The following RIMS2 variants were observed in gnomAD, a reference collection of about 807,000 sequenced individuals.
The protein encoded by RIMS2 is regulating synaptic membrane exocytosis protein 2.
A neutral mutation model predicts 174.4 loss-of-function variants in RIMS2; 59 were observed. The ratio of observed to expected loss-of-function variants is 0.34; its 90% CI spans 0.27 to 0.42. The LOEUF (loss-of-function observed/expected upper bound fraction) is 0.42. Ranked by LOEUF, RIMS2 falls within the 10% of genes least tolerant of loss-of-function variation. The pLI is 1.00. For missense variants in RIMS2, 1,620 were observed against 1,666.3 expected, an observed-to-expected ratio of 0.97 and a Z score of 0.48; for synonymous variants, 606 against 572.5, an observed-to-expected ratio of 1.06 and a Z score of -0.84.
chr8:103,988,585 G>T (rs765918902), intron 16 of RIMS2, among the ~76,000 whole-genome samples: 1 of 152,044 alleles, frequency 6.6e-6, no homozygotes, highest in Non-Finnish European at 1.5e-5. Context: ...TTGGCCACCC[G>T]AGTAGCTGGG....
At chr8:103,557,299 A>G (rs1257703890) in intron 1 of RIMS2, among the ~76,000 whole-genome samples, 1 of 152,196 alleles carries the variant, frequency 6.6e-6, no homozygotes, top group Non-Finnish European at 1.5e-5. Context: ...ACTGCTAAGC[A>G]GTGTGTTTTC....
At chr8:103,701,253 A>G (rs1021445652) in intron 2 of RIMS2, among the ~76,000 whole-genome samples, 1 of 152,074 alleles carries the variant, frequency 6.6e-6, no homozygotes, top group Non-Finnish European at 1.5e-5. Flanking sequence ...CTTGGTTAAC[A>G]CTTTTTGTAT....
intron 19 of RIMS2, among the ~76,000 whole-genome samples, chr8:104,100,806 A>G (rs2097857474): frequency 7.1e-6 from 1 of 141,370 alleles, no homozygotes; most frequent in Admixed American, 7.6e-5. Context: ...TTATATATAT[A>G]TTATATATTA....
intron 19 of RIMS2, among the ~76,000 whole-genome samples, chr8:104,016,489 T>C (rs561577780): frequency 7.6e-4 from 115 of 152,156 alleles, no homozygotes; most frequent in Admixed American, 1.9e-3. Context: ...TACCATAATT[T>C]TGAACAATCC....
At chr8:103,535,879 G>C (rs984345296) in intron 1 of RIMS2, among the ~76,000 whole-genome samples, 2 of 152,096 alleles carry the variant, frequency 1.3e-5, no homozygotes, top group Admixed American at 6.5e-5. Flanking sequence ...TTTTATTATA[G>C]CAAAAAATCC....
chr8:104,151,537 C>T (rs2098689396), intron 19 of RIMS2, among the ~76,000 whole-genome samples: 1 of 151,940 alleles, frequency 6.6e-6, no homozygotes, highest in Non-Finnish European at 1.5e-5. Context: ...TGCTGCCCTC[C>T]AGCCTGGGTG....
intron 14 of RIMS2, among the ~76,000 whole-genome samples, chr8:103,956,378 G>T (rs1180671174): frequency 6.6e-6 from 1 of 152,170 alleles, no homozygotes; most frequent in Non-Finnish European, 1.5e-5. Context: ...AACCAAAAGA[G>T]CATGGCACTG....
intron 1 of RIMS2, among the ~76,000 whole-genome samples, chr8:103,550,662 C>T (rs1847356200): frequency 2.6e-5 from 4 of 152,006 alleles, no homozygotes; most frequent in Non-Finnish European, 5.9e-5. Context: ...ATCAATGTAT[C>T]TAGGAGCTGG....
At chr8:104,156,672 A>C (rs1300274747) in intron 19 of RIMS2, among the ~76,000 whole-genome samples, 1 of 152,180 alleles carries the variant, frequency 6.6e-6, no homozygotes, top group African/African-American at 2.4e-5. Context: ...TTTATAAATA[A>C]ATTTTTACAG....
At chr8:103,567,649 G>A (rs143415182) in intron 1 of RIMS2, among the ~76,000 whole-genome samples, 1 of 152,292 alleles carries the variant, frequency 6.6e-6, no homozygotes, top group Non-Finnish European at 1.5e-5. Flanking sequence ...TTGTGTAGGT[G>A]TGTATTTTCA....
chr8:103,855,806 G>A (rs922000510), intron 3 of RIMS2, among the ~76,000 whole-genome samples: 1 of 152,080 alleles, frequency 6.6e-6, no homozygotes, highest in Non-Finnish European at 1.5e-5. Context: ...TATTCCATGT[G>A]CAGATGGGAA....
intron 19 of RIMS2, among the ~76,000 whole-genome samples, chr8:104,163,845 G>A (rs1823167): frequency 0.79 from 119,424 of 151,992 alleles, 47,222 homozygotes; most frequent in East Asian, 1. Context: ...GATGAGAGCT[G>A]GTACAGAAGT....
At chr8:104,241,144 G>A (rs1471913496) in intron 19 of RIMS2, among the ~76,000 whole-genome samples, 1 of 152,142 alleles carries the variant, frequency 6.6e-6, no homozygotes, top group Non-Finnish European at 1.5e-5. Flanking sequence ...TCCATATGCA[G>A]TTACAGCATT....
chr8:103,938,545 C>G (rs927769013), intron 13 of RIMS2, among the ~76,000 whole-genome samples: 12 of 152,112 alleles, frequency 7.9e-5, no homozygotes, highest in Non-Finnish European at 1.5e-5. Flanking sequence ...GGGGACACAG[C>G]CAAACCATAT....
Position 103,559,847 on chromosome 8 carries a change from A to G in RIMS2, c.176+58785A>G, listed in dbSNP as rs576039051. ...GAAGGGCTGTTGGTTACTCACAGCA[A>G]TAATAGTAGCCAGTGTATTATTTGT... On this transcript the variant is annotated intron_variant, in intron 1 of 23. Transcript: ENST00000504942. 2.0e-5 allele frequency among the ~76,000 whole-genome samples: 3 copies of G among 152,348 alleles called. No individual in the cohort carries two copies. In the South Asian group the frequency reaches 6.2e-4, roughly 32 times the overall value.
chr8:103,719,930 C>T, intron 2 of RIMS2, among the ~76,000 whole-genome samples: 1 of 152,060 alleles, frequency 6.6e-6, no homozygotes, highest in South Asian at 2.1e-4. Context: ...TTAAATTATT[C>T]CTTTCTCTCT....
At chr8:104,242,231 G>T (rs2099303768) in intron 19 of RIMS2, among the ~76,000 whole-genome samples, 1 of 151,886 alleles carries the variant, frequency 6.6e-6, no homozygotes, top group Admixed American at 6.6e-5. Context: ...CTTGGTTGTT[G>T]TTTTGTTGTT....
intron 5 of RIMS2, among the ~76,000 whole-genome samples, chr8:103,911,556 C>T (rs2154527317): frequency 6.6e-6 from 1 of 152,234 alleles, no homozygotes; most frequent in African/African-American, 2.4e-5. Context: ...AAGCCCTCAT[C>T]ATAGGCTCAA....
intron 19 of RIMS2, among the ~76,000 whole-genome samples, chr8:104,141,548 A>G (rs1188615884): frequency 6.6e-6 from 1 of 152,200 alleles, no homozygotes; most frequent in African/African-American, 2.4e-5. Flanking sequence ...TGTGCAATCT[A>G]TGTTCTCACA....
Sources: allele counts gnomAD v4.1 joint callset (sites outside exome capture counted in the v4.1 genomes callset), GRCh38; gene constraint gnomAD v4.1.1; transcripts MANE v1.5; gene names NCBI Gene and HGNC (gene_info 2026-07-23, HGNC 2026-07-21).